The following PALLD variants were observed in gnomAD, a reference collection of about 807,000 sequenced individuals.
PALLD encodes the protein palladin.
In PALLD, 61 loss-of-function variants were observed where a neutral mutation model predicts 123.5. The observed-to-expected ratio is 0.49, with a 90% confidence interval of 0.40 to 0.61. The LOEUF (loss-of-function observed/expected upper bound fraction) is 0.61. Ranked by LOEUF, PALLD falls within the 20% of genes least tolerant of loss-of-function variation. The probability of loss-of-function intolerance (pLI) is 0.00; values close to 1 mark genes in which losing one functional copy is unlikely to be tolerated. For missense variants in PALLD, 1,273 were observed against 1,377.0 expected (o/e 0.92, Z 1.20); for synonymous variants, 465 against 496.4 (o/e 0.94, Z 0.84).
chr4:168,892,673 T>G (rs1215688443), intron 11 of PALLD, among the ~76,000 whole-genome samples: 1 of 151,814 alleles, frequency 6.6e-6, no homozygotes, highest in Non-Finnish European at 1.5e-5. Flanking sequence ...TTTAAAAGAT[T>G]AAAATAAATA....
chr4:168,879,977 C>A (rs1219385818), intron 10 of PALLD, among the ~76,000 whole-genome samples: 2 of 152,172 alleles, frequency 1.3e-5, no homozygotes, highest in African/African-American at 4.8e-5. Context: ...ACTTTTTCAT[C>A]CTCTCTCATT....
intron 2 of PALLD, among the ~76,000 whole-genome samples, chr4:168,541,585 G>A (rs1419731884): frequency 6.6e-6 from 1 of 151,990 alleles, no homozygotes; most frequent in East Asian, 1.9e-4. Context: ...TGAGTAGCTG[G>A]GATTACAGGC....
chr4:168,585,295 AGT>A (rs1770699838), intron 2 of PALLD, among the ~76,000 whole-genome samples: 2 of 110,816 alleles, frequency 1.8e-5, no homozygotes, highest in East Asian at 5.8e-4. Flanking sequence ...AGAATATATG[AGT>A]GTGAGTGTGT....
At chr4:168,849,814 C>T (rs60944330) in intron 10 of PALLD, among the ~76,000 whole-genome samples, 2,528 of 151,992 alleles carry the variant, frequency 0.017, 69 homozygotes, top group African/African-American at 0.057. Flanking sequence ...ATTCACACCA[C>T]GTGTGGCTGG....
intron 13 of PALLD, among the ~76,000 whole-genome samples, chr4:168,897,568 T>C (rs1755486512): frequency 6.6e-6 from 1 of 152,130 alleles, no homozygotes; most frequent in South Asian, 2.1e-4. Context: ...CACCTCAGCC[T>C]CCCAAGTAGC....
At chr4:168,793,486 C>G (rs921757481) in intron 10 of PALLD, among the ~76,000 whole-genome samples, 2 of 151,794 alleles carry the variant, frequency 1.3e-5, no homozygotes, top group South Asian at 2.1e-4. Flanking sequence ...TCCCTCCCAC[C>G]TCACCCCAAA....
At chr4:168,516,052 C>A (rs1043356944) in intron 2 of PALLD, among the ~76,000 whole-genome samples, 3 of 152,192 alleles carry the variant, frequency 2.0e-5, no homozygotes, top group Non-Finnish European at 4.4e-5. Flanking sequence ...TGTGTGAACA[C>A]CACTTATGAC....
rs1775443642 is a variant in PALLD, at chr4:168,627,801, T to A, written c.909-40389T>A. Among the ~76,000 whole-genome samples the A allele has an allele frequency of 3.9e-5, 6 of 152,196 alleles. No individual in the cohort carries two copies. The South Asian group carries it at 1.2e-3, about 32-fold the overall frequency. ...ACAAGACCAAGAACCCAATAAAATA[T>A]GGGAACACTATATAAACAATAAGGC... On this transcript the variant is annotated intron_variant, in intron 2 of 21. Coordinates refer to ENST00000505667, the MANE Select transcript of PALLD (RefSeq NM_001166108.2).
At chr4:168,702,351 G>C (rs1024003893) in intron 8 of PALLD, among the ~76,000 whole-genome samples, 10 of 152,150 alleles carry the variant, frequency 6.6e-5, no homozygotes, top group Admixed American at 5.9e-4. Context: ...AGGAGTTCGA[G>C]ACCAGCCTGA....
chr4:168,794,458 G>A (rs868773698), intron 10 of PALLD, among the ~76,000 whole-genome samples: 4 of 149,278 alleles, frequency 2.7e-5, no homozygotes, highest in Admixed American at 2.0e-4. Context: ...TACGCGCAGC[G>A]CACAGACGTA....
intron 2 of PALLD, among the ~76,000 whole-genome samples, chr4:168,587,539 A>C (rs920623180): frequency 6.6e-6 from 1 of 152,078 alleles, no homozygotes. Context: ...TGCTAGGGAG[A>C]GCGGATGTGA....
intron 2 of PALLD, among the ~76,000 whole-genome samples, chr4:168,599,899 A>C (rs1772373923): frequency 1.6e-5 from 2 of 128,282 alleles, no homozygotes; most frequent in South Asian, 4.4e-4. Flanking sequence ...GTGTGTGTAT[A>C]TCACACACAC....
intron 15 of PALLD, 53 bp from the exon 16 acceptor site, chr4:168,913,874 T>C (rs1335485395): frequency 8.7e-7 from 1 of 1,144,642 alleles, no homozygotes; most frequent in Non-Finnish European, 1.3e-6. Flanking sequence ...TGATAGTGCT[T>C]AGTGGTTAAT....
intron 2 of PALLD, among the ~76,000 whole-genome samples, chr4:168,614,347 G>A (rs983861718): frequency 6.6e-6 from 1 of 152,216 alleles, no homozygotes; most frequent in Non-Finnish European, 1.5e-5. Flanking sequence ...GGAGACCCTT[G>A]TGCCCAAAAC....
At position 168,692,894 on chromosome 4, in the gene PALLD, CACAA is replaced by C. The variant is rs771798042; in HGVS notation, c.1501+1606_1501+1609del. ...ATTTATCAAATGTAGGTTGGAAAAT[CACAA>C]ACAGTCATCTGCAAAGTCAAAACAT... is the stretch of plus-strand genomic sequence containing the variant. On this transcript the variant is annotated intron_variant, in intron 8 of 21. Coordinates refer to ENST00000505667, the MANE Select transcript of PALLD (RefSeq NM_001166108.2). Among the ~76,000 whole-genome samples the C allele has an allele frequency of 4.0e-4, 61 of 152,172 alleles. 1 individual carries two copies. Among genetic ancestry groups the C allele is most frequent in the Non-Finnish European group, 7.5e-4 (51 of 68,032 alleles).
At chr4:168,533,354 G>A (rs1009850021) in intron 2 of PALLD, among the ~76,000 whole-genome samples, 1 of 152,122 alleles carries the variant, frequency 6.6e-6, no homozygotes, top group Non-Finnish European at 1.5e-5. Flanking sequence ...GAAACTGAGA[G>A]GGGAAGAACC....
intron 2 of PALLD, among the ~76,000 whole-genome samples, chr4:168,666,639 T>C (rs966841223): frequency 6.6e-6 from 1 of 152,128 alleles, no homozygotes; most frequent in Non-Finnish European, 1.5e-5. Context: ...AAGAAAACGA[T>C]AGGGCCAAGT....
At chr4:168,753,057 C>T (rs1220451406) in intron 10 of PALLD, among the ~76,000 whole-genome samples, 2 of 152,012 alleles carry the variant, frequency 1.3e-5, no homozygotes, top group Non-Finnish European at 2.9e-5. Flanking sequence ...AGCGAACAAG[C>T]AAGAGAAAGG....
intron 5 of PALLD, among the ~76,000 whole-genome samples, chr4:168,684,411 T>G (rs1437077961): frequency 6.6e-6 from 1 of 152,210 alleles, no homozygotes; most frequent in African/African-American, 2.4e-5. Flanking sequence ...CAAGTAATGC[T>G]CTGGAACCAG....
Sources: allele counts gnomAD v4.1 joint callset (sites outside exome capture counted in the v4.1 genomes callset), GRCh38; gene constraint gnomAD v4.1.1; transcripts MANE v1.5; gene names NCBI Gene and HGNC (gene_info 2026-07-23, HGNC 2026-07-21).